The following MAP7 variants were observed in gnomAD, a reference collection of about 807,000 sequenced individuals.
MAP7 encodes the protein ensconsin.
Under a neutral mutation model 94.8 loss-of-function variants are expected in MAP7, and 52 were observed. That is an observed-to-expected ratio of 0.55 (90% CI 0.44 to 0.69). MAP7 has a LOEUF of 0.69. Among genes scored for constraint, MAP7 ranks in the 30% least tolerant of loss-of-function variants. The pLI, the probability that MAP7 is intolerant of heterozygous loss-of-function variation, is 0.00. For synonymous variants in MAP7, 350 were observed against 357.0 expected, an observed-to-expected ratio of 0.98 and a Z score of 0.22; for missense variants, 940 against 964.6, an observed-to-expected ratio of 0.97 and a Z score of 0.34.
intron 1 of MAP7, among the ~76,000 whole-genome samples, chr6:136,501,143 T>C (rs1314295372): frequency 1.3e-5 from 2 of 152,214 alleles, no homozygotes; most frequent in Non-Finnish European, 2.9e-5. Flanking sequence ...AATGTTTCCC[T>C]TAATTCTCTT....
At position 136,356,773 on chromosome 6, in the gene MAP7, G is replaced by C. The variant is rs1247377623; in HGVS notation, c.1934C>G (p.Thr645Arg). ...GGTEVSALPC[T>R]TNAPGNGKPV... ...CTTTCCATTTCCCGGAGCGTTTGTTGTACATGGAAGTGCAGACACCTCTGG... is the reference window on the plus strand; with the variant it reads ...CTTTCCATTTCCCGGAGCGTTTGTTCTACATGGAAGTGCAGACACCTCTGG... Residue 645 changes from threonine to arginine, a missense_variant, in exon 16 of 18, where the codon ACA becomes AGA. Transcript: ENST00000354570. 10 of 1,614,080 alleles carry C rather than the reference G, an allele frequency of 6.2e-6. No homozygotes were observed. Among genetic ancestry groups the C allele is most frequent in the Non-Finnish European group, 8.5e-6 (10 of 1,179,984 alleles).
intron 1 of MAP7, chr6:136,525,972 C>T: frequency 3.4e-6 from 5 of 1,478,332 alleles, no homozygotes; most frequent in East Asian, 2.5e-5. Flanking sequence ...CATACCGCTG[C>T]TACTTGTTTT....
At chr6:136,521,529 T>C (rs1485591424) in intron 1 of MAP7, among the ~76,000 whole-genome samples, 1 of 152,172 alleles carries the variant, frequency 6.6e-6, no homozygotes, top group Non-Finnish European at 1.5e-5. Flanking sequence ...TCAGGTTTTA[T>C]ATAAAAACAA....
At chr6:136,396,836 T>C (rs1001605329) in intron 3 of MAP7, among the ~76,000 whole-genome samples, 1 of 152,224 alleles carries the variant, frequency 6.6e-6, no homozygotes, top group African/African-American at 2.4e-5. Context: ...TTTTCTGCAA[T>C]GTAGTAAACA....
chr6:136,428,415 G>A (rs1399545370), intron 1 of MAP7, among the ~76,000 whole-genome samples: 2 of 152,104 alleles, frequency 1.3e-5, no homozygotes, highest in Non-Finnish European at 2.9e-5. Context: ...AGCTACTCGG[G>A]AGGCTGAGGC....
intron 1 of MAP7, among the ~76,000 whole-genome samples, chr6:136,533,471 A>G (rs1828637968): frequency 1.3e-5 from 2 of 152,224 alleles, no homozygotes; most frequent in South Asian, 4.1e-4. Flanking sequence ...TTAAGTCTTT[A>G]GGACAGCAAA....
chr6:136,491,958 G>A (rs1295541542), intron 1 of MAP7, among the ~76,000 whole-genome samples: 2 of 152,224 alleles, frequency 1.3e-5, no homozygotes, highest in African/African-American at 4.8e-5. Flanking sequence ...TAAGTTACTA[G>A]GGAAACTGGG....
At chr6:136,543,924 A>G (rs562262205) in intron 1 of MAP7, among the ~76,000 whole-genome samples, 1 of 152,198 alleles carries the variant, frequency 6.6e-6, no homozygotes, top group East Asian at 1.9e-4. Flanking sequence ...TTTTTTGCAC[A>G]CAAATTATTT....
intron 1 of MAP7, among the ~76,000 whole-genome samples, chr6:136,544,112 G>A (rs1365546168): frequency 6.6e-6 from 1 of 152,066 alleles, no homozygotes; most frequent in Non-Finnish European, 1.5e-5. Flanking sequence ...AGTAGAGATG[G>A]GGCTTTGCCA....
intron 7 of MAP7, among the ~76,000 whole-genome samples, chr6:136,375,339 G>C (rs1775779024): frequency 6.6e-6 from 1 of 152,178 alleles, no homozygotes; most frequent in African/African-American, 2.4e-5. Flanking sequence ...CAAATGAGAG[G>C]TGTGAGACTG....
intron 1 of MAP7, among the ~76,000 whole-genome samples, chr6:136,528,208 C>T (rs1828166099): frequency 6.6e-6 from 1 of 152,224 alleles, no homozygotes; most frequent in South Asian, 2.1e-4. Context: ...GTTTTAGAAT[C>T]CTAGATCGAT....
intron 1 of MAP7, among the ~76,000 whole-genome samples, chr6:136,528,647 T>C (rs1399837866): frequency 6.6e-6 from 1 of 152,238 alleles, no homozygotes; most frequent in Non-Finnish European, 1.5e-5. Context: ...ACTAATTTCA[T>C]TTAGAAATGT....
intron 1 of MAP7, among the ~76,000 whole-genome samples, chr6:136,425,641 A>G (rs2128787678): frequency 6.6e-6 from 1 of 152,256 alleles, no homozygotes; most frequent in East Asian, 1.9e-4. Context: ...CACTCGAATC[A>G]TAGGTATGAA....
At chr6:136,443,211 C>G (rs886884986) in intron 1 of MAP7, among the ~76,000 whole-genome samples, 1 of 152,068 alleles carries the variant, frequency 6.6e-6, no homozygotes, top group African/African-American at 2.4e-5. Context: ...AAGAAAACAT[C>G]TGACTTCTGT....
intron 15 of MAP7, 139 bp from the exon 16 acceptor site, chr6:136,356,933 C>T (rs1219675165): frequency 6.3e-6 from 4 of 633,464 alleles, no homozygotes; most frequent in Middle Eastern, 2.6e-4. Flanking sequence ...ATCACCTAAA[C>T]TCTCTGTGCC....
At position 136,389,340 on chromosome 6, in the gene MAP7, G is replaced by C; in HGVS notation, c.408+14C>G. Reference sequence around the variant, plus strand: ...TAGAGGAGCCACTCATATTCTTCCCGGGGGGCGGCTCACTTTGTCCTCCTC... The same window carrying C: ...TAGAGGAGCCACTCATATTCTTCCCCGGGGGCGGCTCACTTTGTCCTCCTC... On this transcript the variant is annotated intron_variant, in intron 4 of 17. Coordinates refer to ENST00000354570, the MANE Select transcript of MAP7 (RefSeq NM_003980.6). 6.6e-7 allele frequency: 1 copy of C among 1,517,650 alleles called. No homozygotes were observed. Among genetic ancestry groups the C allele is most frequent in the Non-Finnish European group, 8.8e-7 (1 of 1,138,420 alleles). The allele number at this position is 1,517,650 out of a possible 1,614,324, so 94.0% of individuals were successfully genotyped here.
intron 1 of MAP7, among the ~76,000 whole-genome samples, chr6:136,448,690 G>A (rs1224940834): frequency 6.6e-6 from 1 of 151,982 alleles, no homozygotes; most frequent in Non-Finnish European, 1.5e-5. Flanking sequence ...TGGGATTACA[G>A]GCGTGGCCAC....
At chr6:136,405,516 T>A (rs1485052242) in intron 3 of MAP7, among the ~76,000 whole-genome samples, 1 of 152,194 alleles carries the variant, frequency 6.6e-6, no homozygotes. Flanking sequence ...GGAACCAGCA[T>A]GGCTGGAGGA....
In MAP7 at chr6:136,366,346, G is replaced by A; in HGVS notation, c.970C>T (p.Pro324Ser). ...VSPSNPKARQ[P>S]ARSRLWLPSK... The stretch of plus-strand genomic sequence containing the variant: ...ACTTACCAAAGTCGGGAGCGAGCTG[G>A]TTGTCTTGCTTTGGGATTAGATGGA... The change falls in exon 9 of 18, where the codon CCA becomes TCA. Residue 324 changes from proline to serine, a missense_variant. Transcript: ENST00000354570. 6.2e-6 allele frequency: 10 copies of A among 1,614,088 alleles called. No individual in the cohort carries two copies. Among genetic ancestry groups the A allele is most frequent in the Non-Finnish European group, 5.9e-6 (7 of 1,179,924 alleles).
Sources: allele counts gnomAD v4.1 joint callset (sites outside exome capture counted in the v4.1 genomes callset), GRCh38; gene constraint gnomAD v4.1.1; transcripts MANE v1.5; gene names NCBI Gene and HGNC (gene_info 2026-07-23, HGNC 2026-07-21).